DGKH: variants seen among roughly 807,000 people sequenced by gnomAD.
The protein encoded by DGKH is diacylglycerol kinase eta, also known as DAG kinase eta.
In DGKH, 90 loss-of-function variants were observed where a neutral mutation model predicts 159.3. The observed-to-expected ratio is 0.57, with a 90% CI of 0.48 to 0.67. The LOEUF (loss-of-function observed/expected upper bound fraction) is 0.67. Among genes scored for constraint, DGKH ranks in the 30% least tolerant of loss-of-function variants. The pLI, the probability that DGKH is intolerant of heterozygous loss-of-function variation, is 0.00. For synonymous variants in DGKH, 536 were observed against 553.8 expected (o/e 0.97, Z 0.45); for missense variants, 1,181 against 1,506.1 (o/e 0.78, Z 3.57).
rs749262197 is a variant in DGKH at position 42,048,833 on chromosome 13, A to T, written c.60A>T (p.Gly20=). ...PPGAAGGAAA[G]AGAAVTSAAA... ...GCGCCGCTGGAGGAGCGGCCGCCGG[A>T]GCCGGCGCCGCGGTCACCTCCGCCG... The change falls in exon 1 of 30, where the codon GGA becomes GGT. Residue 20 remains glycine (G), a synonymous_variant. Coordinates refer to ENST00000337343, the MANE Select transcript of DGKH (RefSeq NM_178009.5). The surrounding 1 kb of genome is among the most constrained non-coding windows in gnomAD (Gnocchi z 6.7). The T allele has an allele frequency of 1.4e-5, 19 of 1,344,712 alleles. No homozygotes were observed. The South Asian group carries it at 3.8e-4, about 27-fold the overall frequency. 83.3% of individuals were successfully genotyped at this position (1,344,712 alleles called of 1,614,324 possible). A position where few individuals can be genotyped will look rare whatever the true frequency, so the allele number is the denominator to read the frequency against.
chr13:42,148,740 A>G (rs943129854), intron 3 of DGKH, among the ~76,000 whole-genome samples: 3 of 151,792 alleles, frequency 2.0e-5, no homozygotes, highest in African/African-American at 4.8e-5. Flanking sequence ...CTCTGCTTTT[A>G]TTTTCCATTT....
At chr13:42,118,666 A>G (rs999751689) in intron 1 of DGKH, among the ~76,000 whole-genome samples, 1 of 152,186 alleles carries the variant, frequency 6.6e-6, no homozygotes, top group Non-Finnish European at 1.5e-5. Flanking sequence ...TGTTGAGATG[A>G]ATAGATTTCA....
intron 1 of DGKH, among the ~76,000 whole-genome samples, chr13:42,089,273 C>G (rs1393733962): frequency 6.6e-6 from 1 of 152,118 alleles, no homozygotes; most frequent in Non-Finnish European, 1.5e-5. Context: ...TTAATATTTG[C>G]AGAGCATTCA....
chr13:42,073,226 T>C (rs1883089508), intron 1 of DGKH, among the ~76,000 whole-genome samples: 1 of 152,236 alleles, frequency 6.6e-6, no homozygotes, highest in African/African-American at 2.4e-5. Flanking sequence ...CTCAAGATTT[T>C]AGAGCAGGGT....
intron 3 of DGKH, among the ~76,000 whole-genome samples, chr13:42,135,512 A>G (rs943269560): frequency 2.9e-5 from 4 of 139,312 alleles, no homozygotes; most frequent in African/African-American, 1.0e-4. Context: ...AAAAAAAGAG[A>G]GAGAGAGAAA....
At chr13:42,214,921 G>A (rs954142096) in intron 25 of DGKH, among the ~76,000 whole-genome samples, 5 of 150,644 alleles carry the variant, frequency 3.3e-5, no homozygotes, top group Admixed American at 3.3e-4. Context: ...CTTACCTTCT[G>A]CCCTGTACCT....
intron 1 of DGKH, among the ~76,000 whole-genome samples, chr13:42,089,493 A>G (rs1002775420): frequency 3.9e-5 from 6 of 152,208 alleles, no homozygotes; most frequent in African/African-American, 1.4e-4. Flanking sequence ...GCTAAAATCA[A>G]GGTATTAGCA....
intron 16 of DGKH, among the ~76,000 whole-genome samples, chr13:42,193,418 C>A (rs1957130650): frequency 6.6e-6 from 1 of 152,084 alleles, no homozygotes; most frequent in African/African-American, 2.4e-5. Context: ...TTTATTTTGG[C>A]TAGTAATCTA....
intron 16 of DGKH, among the ~76,000 whole-genome samples, chr13:42,193,565 A>G (rs1489172080): frequency 6.6e-6 from 1 of 152,214 alleles, no homozygotes; most frequent in Non-Finnish European, 1.5e-5. Flanking sequence ...ATGATTGATG[A>G]GATGCTTTAT....
chr13:42,185,619 G>A (rs1417702386), intron 13 of DGKH, among the ~76,000 whole-genome samples: 2 of 152,152 alleles, frequency 1.3e-5, no homozygotes, highest in African/African-American at 4.8e-5. Flanking sequence ...AGAGTTACAG[G>A]AAGATGCATC....
At chr13:42,221,122 G>T in intron 28 of DGKH, 142 bp from the exon 29 acceptor site, 1 of 1,101,488 alleles carries the variant, frequency 9.1e-7, no homozygotes, top group East Asian at 2.5e-5. Context: ...TGGAACTATG[G>T]TTTTGTTGAA....
chr13:42,063,814 A>G (rs1882360274), intron 1 of DGKH, among the ~76,000 whole-genome samples: 1 of 151,998 alleles, frequency 6.6e-6, no homozygotes. Context: ...TGGCGCATGC[A>G]TGTAATCCCA....
At chr13:42,219,103 C>A in intron 26 of DGKH, 127 bp from the exon 27 acceptor site, 1 of 1,195,576 alleles carries the variant, frequency 8.4e-7, no homozygotes, top group Non-Finnish European at 1.1e-6. Context: ...CTTAATATTC[C>A]TTAATTTAAA....
At position 42,054,395 on chromosome 13, in the gene DGKH, G is replaced by C. The variant is rs189195280; in HGVS notation, c.192+5430G>C. On this transcript the variant is annotated intron_variant, in intron 1 of 29. Coordinates refer to ENST00000337343, the MANE Select transcript of DGKH (RefSeq NM_178009.5). ...ATTGCTCTGAAACTCAATATGAAATGAGAAGCAAGTAGGAACTTTTACATT... is the reference window on the plus strand; with the variant it reads ...ATTGCTCTGAAACTCAATATGAAATCAGAAGCAAGTAGGAACTTTTACATT... Among the ~76,000 whole-genome samples the C allele has an allele frequency of 9.2e-5, 14 of 152,328 alleles. No individual in the cohort carries two copies. The East Asian group carries it at 2.7e-3, about 29-fold the overall frequency.
intron 3 of DGKH, chr13:42,138,181 A>T (rs893589142): frequency 1.1e-6 from 1 of 893,676 alleles, no homozygotes; most frequent in South Asian, 5.1e-5. Context: ...CACAGCTAAT[A>T]TGGAATTCAG....
At chr13:42,225,181 CTA>C in intron 29 of DGKH, 6 of 1,153,906 alleles carry the variant, frequency 5.2e-6, no homozygotes, top group Non-Finnish European at 7.3e-6. Context: ...CCTTGGCCTC[CTA>C]CAATGCTGGG....
At chr13:42,135,198 T>G (rs966371041) in intron 3 of DGKH, among the ~76,000 whole-genome samples, 1 of 151,876 alleles carries the variant, frequency 6.6e-6, no homozygotes, top group Non-Finnish European at 1.5e-5. Context: ...TTAATGTTTA[T>G]TAATATATTT....
At position 42,151,611 on chromosome 13, in the gene DGKH, A is replaced by ACC. The variant is rs1477125673; in HGVS notation, c.385-3679_385-3678insCC. On this transcript the variant is annotated intron_variant, in intron 3 of 29. Transcript: ENST00000337343. ...CACACACACACACACACACACACACACACCCCATGGAAAACTACTCAGTCA... is the reference window on the plus strand; with the variant it reads ...CACACACACACACACACACACACACACCCACCCCATGGAAAACTACTCAGTCA... Among the ~76,000 whole-genome samples the ACC allele has an allele frequency of 5.2e-4, 52 of 100,640 alleles. No individual in the cohort carries two copies. In the East Asian group the frequency reaches 0.011, roughly 22 times the overall value. The allele number at this position is 100,640 out of a possible 152,430, so 66.0% of individuals were successfully genotyped here. A position where few individuals can be genotyped will look rare whatever the true frequency, so the allele number is the denominator to read the frequency against.
intron 3 of DGKH, among the ~76,000 whole-genome samples, chr13:42,134,064 A>C (rs1203673159): frequency 6.6e-6 from 1 of 152,160 alleles, no homozygotes; most frequent in Non-Finnish European, 1.5e-5. Flanking sequence ...TGATATATTG[A>C]CAAAGTACAA....
Sources: allele counts gnomAD v4.1 joint callset (sites outside exome capture counted in the v4.1 genomes callset), GRCh38; gene constraint gnomAD v4.1.1; non-coding constraint Gnocchi (gnomAD v3.1); transcripts MANE v1.5; gene names NCBI Gene and HGNC (gene_info 2026-07-23, HGNC 2026-07-21).